Variants in DOCK8 observed in about 807,000 individuals in gnomAD.
DOCK8 encodes the protein dedicator of cytokinesis 8.
DOCK8 carries 141 observed loss-of-function variants against 245.6 expected under a neutral mutation model. That is an observed-to-expected ratio of 0.57 (90% CI 0.50 to 0.66). The LOEUF (loss-of-function observed/expected upper bound fraction) is 0.66, where lower values mean the gene tolerates loss of function less well. Among genes scored for constraint, DOCK8 ranks in the 30% least tolerant of loss-of-function variants. DOCK8 has a pLI of 0.00. For missense variants in DOCK8, 2,965 were observed against 2,603.4 expected, an observed-to-expected ratio of 1.14 and a Z score of -3.02; for synonymous variants, 1,168 against 970.2, an observed-to-expected ratio of 1.20 and a Z score of -3.79.
intron 2 of DOCK8, among the ~76,000 whole-genome samples, chr9:274,972 C>G (rs1421472158): frequency 2.0e-5 from 3 of 152,128 alleles, no homozygotes; most frequent in Non-Finnish European, 4.4e-5. Flanking sequence ...TATTTAGAAC[C>G]TAATCATTTA....
At chr9:242,458 A>AACC (rs2047397088) in intron 1 of DOCK8, among the ~76,000 whole-genome samples, 1 of 152,188 alleles carries the variant, frequency 6.6e-6, no homozygotes, top group Non-Finnish European at 1.5e-5. Flanking sequence ...TTAAAGGAAA[A>AACC]AGCTAGAGAC....
chr9:376,691 T>G (rs2053531682), intron 19 of DOCK8, among the ~76,000 whole-genome samples: 1 of 152,240 alleles, frequency 6.6e-6, no homozygotes, highest in Admixed American at 6.5e-5. Flanking sequence ...CTGAGACCTC[T>G]CTCTTGGCAG....
At chr9:257,059 A>T (rs577723622) in intron 1 of DOCK8, among the ~76,000 whole-genome samples, 1 of 152,236 alleles carries the variant, frequency 6.6e-6, no homozygotes, top group Non-Finnish European at 1.5e-5. Context: ...AGTAAATAAC[A>T]GTCAACAATT....
chr9:248,623 T>G (rs1423018733), intron 1 of DOCK8, among the ~76,000 whole-genome samples: 1 of 151,924 alleles, frequency 6.6e-6, no homozygotes, highest in Admixed American at 6.6e-5. Context: ...CTTCTTTTCT[T>G]TCTATCTTTC....
intron 15 of DOCK8, chr9:369,710 C>G (rs2053192635): frequency 6.0e-6 from 1 of 165,492 alleles, no homozygotes; most frequent in South Asian, 1.6e-4. Context: ...AAACATGTGG[C>G]CTTTGGTCAC....
chr9:215,156 C>G, intron 1 of DOCK8, 127 bp downstream of exon 1: 1 of 1,491,396 alleles, frequency 6.7e-7, no homozygotes, highest in Non-Finnish European at 8.9e-7. Flanking sequence ...CGCCTGAGAC[C>G]TGGGGCGCCC....
chr9:227,691 A>G (rs1424338373), intron 1 of DOCK8, among the ~76,000 whole-genome samples: 1 of 152,188 alleles, frequency 6.6e-6, no homozygotes, highest in Non-Finnish European at 1.5e-5. Context: ...GGCTTGGGGC[A>G]TCAGTGGTAG....
chr9:313,762 C>G (rs1417223806), intron 6 of DOCK8, among the ~76,000 whole-genome samples: 1 of 152,042 alleles, frequency 6.6e-6, no homozygotes, highest in African/African-American at 2.4e-5. Context: ...ATGTTCTCAT[C>G]ACACACACAC....
intron 28 of DOCK8, among the ~76,000 whole-genome samples, chr9:413,822 A>G (rs2055864491): frequency 6.6e-6 from 1 of 152,234 alleles, no homozygotes; most frequent in African/African-American, 2.4e-5. Flanking sequence ...GCCACCGTTG[A>G]AAACAACTTG....
Position 312,013 on chromosome 9 carries a change from C to A in DOCK8, c.588C>A (p.Ala196=). Residue 196 remains alanine (A), a synonymous_variant, in exon 6 of 48, where the codon GCC becomes GCA. Coordinates refer to ENST00000432829, the MANE Select transcript of DOCK8 (RefSeq NM_203447.4). The part of the protein sequence containing the change: ...CDVSGKGPVT[A]CDFDLRSLQP... ...TGTCTGGGAAAGGCCCCGTCACTGCCTGTGACTTTGACCTCCGCAGCCTGC... is the reference window on the plus strand; with the variant it reads ...TGTCTGGGAAAGGCCCCGTCACTGCATGTGACTTTGACCTCCGCAGCCTGC... The A allele has an allele frequency of 6.2e-7, 1 of 1,614,212 alleles. No individual in the cohort carries two copies. The highest frequency in any genetic ancestry group is 8.5e-7 in the Non-Finnish European group (1 of 1,180,036).
In DOCK8 at chr9:464,321, C is replaced by T. The variant is rs1434385887; in HGVS notation, c.*102C>T. ...CATTTGCCACCCAGGACTGACTGTA[C>T]ACTCCCTGATCAGCCAGCACTCTGG... On this transcript the variant is annotated 3_prime_UTR_variant, in exon 48 of 48. Transcript: ENST00000432829. 7.2e-6 allele frequency: 7 copies of T among 976,816 alleles called. No homozygotes were observed. Among genetic ancestry groups the T allele is most frequent in the African/African-American group, 3.2e-5 (2 of 62,732 alleles). 60.5% of individuals were successfully genotyped at this position (976,816 alleles called of 1,614,324 possible).
chr9:417,558 C>CA (rs1564039233), intron 29 of DOCK8, among the ~76,000 whole-genome samples: 4 of 151,848 alleles, frequency 2.6e-5, no homozygotes, highest in African/African-American at 9.7e-5. Flanking sequence ...AACGGTTTAT[C>CA]GTTTTTTTGC....
At chr9:332,311 T>A in intron 9 of DOCK8, 87 bp from the exon 10 acceptor site, 1 of 903,418 alleles carries the variant, frequency 1.1e-6, no homozygotes, top group Non-Finnish European at 1.8e-6. Context: ...TCAAATATTG[T>A]CATAAAATGT....
rs2048504868 is a variant in DOCK8, at chr9:279,835, C to T, written c.157-6626C>T. ...CATCATGCCTCTTCCCCGTCCCCAC[C>T]AGGAGTGGCGTGAAGCCTCCCCAGT... On this transcript the variant is annotated intron_variant, in intron 2 of 47. Transcript: ENST00000432829. 3.3e-5 allele frequency among the ~76,000 whole-genome samples: 5 copies of T among 152,214 alleles called. No homozygotes were observed. In the South Asian group the frequency reaches 1.0e-3, roughly 31 times the overall value.
intron 18 of DOCK8, 123 bp from the exon 19 acceptor site, chr9:376,087 G>C: frequency 2.6e-6 from 2 of 776,644 alleles, no homozygotes; most frequent in Admixed American, 1.9e-5. Flanking sequence ...AGTTAGATTA[G>C]TTTTCAAGAG....
At chr9:250,951 G>A (rs1458552950) in intron 1 of DOCK8, among the ~76,000 whole-genome samples, 4 of 152,178 alleles carry the variant, frequency 2.6e-5, no homozygotes, top group African/African-American at 4.8e-5. Flanking sequence ...AGGGGAAGGG[G>A]AGAGAATGAG....
In DOCK8 at chr9:326,125, G is replaced by A. The variant is rs557378053; in HGVS notation, c.894+388G>A. ...TCATGACTGAAGGGCATCTTACATGGTAGAGGTCTCAATTTGTCACAGAGT... is the reference window on the plus strand; with the variant it reads ...TCATGACTGAAGGGCATCTTACATGATAGAGGTCTCAATTTGTCACAGAGT... On this transcript the variant is annotated intron_variant, in intron 8 of 47. Transcript: ENST00000432829. Among the ~76,000 whole-genome samples, 4 of 152,274 alleles carry A rather than the reference G, an allele frequency of 2.6e-5. No homozygotes were observed. In the South Asian group the frequency reaches 8.3e-4, roughly 32 times the overall value.
At chr9:231,743 G>A (rs978205478) in intron 1 of DOCK8, among the ~76,000 whole-genome samples, 1 of 152,148 alleles carries the variant, frequency 6.6e-6, no homozygotes, top group Non-Finnish European at 1.5e-5. Flanking sequence ...TTTATACATT[G>A]ATTTTGTATC....
intron 4 of DOCK8, among the ~76,000 whole-genome samples, chr9:304,156 A>G (rs1418424644): frequency 6.6e-6 from 1 of 152,158 alleles, no homozygotes; most frequent in African/African-American, 2.4e-5. Flanking sequence ...TGCTTTATTC[A>G]TTATTAAGAA....
Sources: allele counts gnomAD v4.1 joint callset (sites outside exome capture counted in the v4.1 genomes callset), GRCh38; gene constraint gnomAD v4.1.1; transcripts MANE v1.5; gene names NCBI Gene and HGNC (gene_info 2026-07-23, HGNC 2026-07-21).